The following ADAMTSL1 variants were observed in gnomAD, a reference collection of about 807,000 sequenced individuals.
ADAMTSL1 encodes ADAMTS-like protein 1.
ADAMTSL1 carries 126 observed loss-of-function variants against 201.8 expected under a neutral mutation model. That is an observed-to-expected ratio of 0.62 (90% CI 0.54 to 0.72). The LOEUF (loss-of-function observed/expected upper bound fraction) is 0.72, where lower values mean the gene tolerates loss of function less well. ADAMTSL1 is among the 30% of genes least tolerant of loss of function. ADAMTSL1 has a pLI of 0.00. For missense variants in ADAMTSL1, 2,679 were observed against 2,277.8 expected (o/e 1.18, Z -3.59); for synonymous variants, 1,121 against 903.4 (o/e 1.24, Z -4.32).
intron 4 of ADAMTSL1, among the ~76,000 whole-genome samples, chr9:18,601,843 G>GTACATATA (rs1378591123): frequency 6.6e-6 from 1 of 151,664 alleles, no homozygotes; most frequent in Non-Finnish European, 1.5e-5. Context: ...TATATATAGT[G>GTACATATA]TATATTGAAG....
intron 23 of ADAMTSL1, among the ~76,000 whole-genome samples, chr9:18,863,671 C>T (rs927489803): frequency 6.6e-6 from 1 of 152,116 alleles, no homozygotes; most frequent in Non-Finnish European, 1.5e-5. Flanking sequence ...GGTGCCAGCT[C>T]CCACTCCTTC....
rs529310868 is a variant in ADAMTSL1 at position 18,342,730 on chromosome 9, TCTGTA to T, written c.208-162095_208-162091del. Among the ~76,000 whole-genome samples the T allele has an allele frequency of 1.3e-4, 20 of 152,202 alleles. No homozygotes were observed. In the East Asian group the frequency reaches 3.3e-3, roughly 25 times the overall value. On this transcript the variant is annotated intron_variant, in intron 2 of 29. Coordinates refer to the ADAMTSL1 transcript ENST00000680146. Reference sequence around the variant, plus strand: ...TTAGAAAAGCTGAGACCTTTGAAAATCTGTACTGGTTGTTTATTTCTGAGTCTTCA... The same window carrying T: ...TTAGAAAAGCTGAGACCTTTGAAAATCTGGTTGTTTATTTCTGAGTCTTCA...
chr9:18,120,742 A>C (rs1417630391), intron 1 of ADAMTSL1, among the ~76,000 whole-genome samples: 1 of 152,198 alleles, frequency 6.6e-6, no homozygotes, highest in Non-Finnish European at 1.5e-5. Flanking sequence ...TACCCAGATA[A>C]TTTATATATA....
chr9:18,657,533 A>G (rs888998937), intron 7 of ADAMTSL1, 106 bp from the exon 8 acceptor site: 1 of 773,744 alleles, frequency 1.3e-6, no homozygotes, highest in Non-Finnish European at 2.2e-6. Context: ...AGTCCCTCAC[A>G]CAGCCTAAAA....
intron 25 of ADAMTSL1, among the ~76,000 whole-genome samples, chr9:18,891,382 A>AT (rs147740899): frequency 0.18 from 27,180 of 152,096 alleles, 4,511 homozygotes; most frequent in African/African-American, 0.45. Flanking sequence ...AAAGAGTGGG[A>AT]TTTTTTTGTT....
intron 2 of ADAMTSL1, among the ~76,000 whole-genome samples, chr9:18,417,367 G>GAAAAAAAAAAAAAAGA (rs1818727144): frequency 1.2e-4 from 8 of 64,622 alleles, no homozygotes; most frequent in African/African-American, 2.5e-4. Flanking sequence ...AAGTAAGCAG[G>GAAAAAAAAAAAAAAGA]AAAAAAAAAA....
At chr9:18,436,195 G>T (rs1819723478) in intron 2 of ADAMTSL1, among the ~76,000 whole-genome samples, 1 of 152,092 alleles carries the variant, frequency 6.6e-6, no homozygotes, top group African/African-American at 2.4e-5. Context: ...AGAAGTAGAG[G>T]CTGAAGAAGA....
chr9:17,962,134 C>A (rs1246031699), intron 1 of ADAMTSL1, among the ~76,000 whole-genome samples: 2 of 152,128 alleles, frequency 1.3e-5, no homozygotes, highest in Admixed American at 1.3e-4. Context: ...ATTCCAGTTC[C>A]ACTTTATGAG....
intron 1 of ADAMTSL1, among the ~76,000 whole-genome samples, chr9:18,498,022 A>G (rs1445376188): frequency 6.6e-6 from 1 of 152,228 alleles, no homozygotes; most frequent in East Asian, 1.9e-4. Flanking sequence ...CTGAGGACAA[A>G]ATAATTTTTT....
chr9:17,974,590 C>T (rs7874332), intron 1 of ADAMTSL1, among the ~76,000 whole-genome samples: 41,062 of 151,860 alleles, frequency 0.27, 5,857 homozygotes, highest in Middle Eastern at 0.33. Flanking sequence ...CTTATTTAGA[C>T]TCCATATATG....
rs201156228 is a variant in ADAMTSL1 at position 18,202,222 on chromosome 9, A to G, written c.207+38241A>G. On this transcript the variant is annotated intron_variant, in intron 2 of 29. Transcript: ENST00000680146. ...AGAACTGGAGTAAAATTTTGCTTCC[A>G]ACATATTAAAGCTGTGTGACATAAA... Among the ~76,000 whole-genome samples, 11 of 152,314 alleles carry G rather than the reference A, an allele frequency of 7.2e-5. No individual in the cohort carries two copies. In the East Asian group the frequency reaches 1.9e-3, roughly 27 times the overall value.
chr9:18,392,541 T>A (rs1483321565), intron 2 of ADAMTSL1, among the ~76,000 whole-genome samples: 1 of 152,188 alleles, frequency 6.6e-6, no homozygotes, highest in Non-Finnish European at 1.5e-5. Flanking sequence ...CTTATCTTTA[T>A]CTCTGTTATT....
At chr9:18,764,821 A>G (rs1303651906) in intron 16 of ADAMTSL1, among the ~76,000 whole-genome samples, 2 of 152,218 alleles carry the variant, frequency 1.3e-5, no homozygotes, top group Admixed American at 6.5e-5. Flanking sequence ...AAAATTGTAA[A>G]TGACAATTTT....
intron 2 of ADAMTSL1, among the ~76,000 whole-genome samples, chr9:18,434,346 A>G (rs1286765333): frequency 2.0e-5 from 3 of 152,066 alleles, no homozygotes; most frequent in Non-Finnish European, 4.4e-5. Flanking sequence ...CTTCTGTCTC[A>G]CCTCCCAACC....
intron 1 of ADAMTSL1, among the ~76,000 whole-genome samples, chr9:18,109,658 T>C (rs1292200070): frequency 6.6e-6 from 1 of 152,160 alleles, no homozygotes; most frequent in African/African-American, 2.4e-5. Flanking sequence ...TAACAAAACA[T>C]GCATTTGAAG....
chr9:18,047,668 A>C (rs949343869), intron 1 of ADAMTSL1, among the ~76,000 whole-genome samples: 6 of 152,148 alleles, frequency 3.9e-5, no homozygotes, highest in Non-Finnish European at 7.3e-5. Flanking sequence ...GAACCTGTAA[A>C]CTGAACCCAG....
At chr9:18,754,533 A>C (rs1819635447) in intron 16 of ADAMTSL1, among the ~76,000 whole-genome samples, 1 of 152,158 alleles carries the variant, frequency 6.6e-6, no homozygotes, top group Admixed American at 6.5e-5. Flanking sequence ...AATTTGGGTG[A>C]TAAAGGATAT....
intron 1 of ADAMTSL1, among the ~76,000 whole-genome samples, chr9:17,966,238 A>G (rs1276330315): frequency 6.6e-6 from 1 of 152,186 alleles, no homozygotes; most frequent in East Asian, 1.9e-4. Context: ...CAGAGAAGAA[A>G]TAAGTAAGTA....
At chr9:18,862,275 C>G (rs142207952) in intron 23 of ADAMTSL1, among the ~76,000 whole-genome samples, 1 of 152,254 alleles carries the variant, frequency 6.6e-6, no homozygotes, top group Non-Finnish European at 1.5e-5. Flanking sequence ...TGCAGAGGCT[C>G]TCACCCAAAA....
Sources: allele counts gnomAD v4.1 joint callset (sites outside exome capture counted in the v4.1 genomes callset), GRCh38; gene constraint gnomAD v4.1.1; transcripts MANE v1.5; gene names NCBI Gene and HGNC (gene_info 2026-07-23, HGNC 2026-07-21).